GRM8: variants seen among roughly 807,000 people sequenced by gnomAD.
The protein encoded by GRM8 is glutamate metabotropic receptor 8.
Under a neutral mutation model 87.2 loss-of-function variants are expected in GRM8, and 47 were observed. The ratio of observed to expected loss-of-function variants is 0.54; its 90% CI spans 0.43 to 0.69. The LOEUF is 0.69. GRM8 is among the 30% of genes least tolerant of loss of function. The pLI is 0.00. For missense variants in GRM8, 1,019 were observed against 1,139.2 expected (o/e 0.89, Z 1.52); for synonymous variants, 396 against 404.5 (o/e 0.98, Z 0.25).
At chr7:126,681,684 G>C (rs534400542) in intron 7 of GRM8, among the ~76,000 whole-genome samples, 1 of 152,144 alleles carries the variant, frequency 6.6e-6, no homozygotes, top group Admixed American at 6.5e-5. Flanking sequence ...TCACACTGAG[G>C]TGTATTTACT....
At chr7:126,683,491 C>G (rs1392593186) in intron 7 of GRM8, among the ~76,000 whole-genome samples, 1 of 152,176 alleles carries the variant, frequency 6.6e-6, no homozygotes, top group African/African-American at 2.4e-5. Flanking sequence ...ACATAAAGTG[C>G]AAAAGTATTT....
chr7:126,601,121 C>G (rs1797709649), intron 8 of GRM8, among the ~76,000 whole-genome samples: 1 of 147,250 alleles, frequency 6.8e-6, no homozygotes, highest in African/African-American at 2.5e-5. Flanking sequence ...GTGATATTCC[C>G]CTTCCTGTGT....
chr7:126,615,333 T>C (rs1226451404), intron 7 of GRM8, among the ~76,000 whole-genome samples: 1 of 152,094 alleles, frequency 6.6e-6, no homozygotes, highest in Non-Finnish European at 1.5e-5. Context: ...CTGAGAGATT[T>C]TGTCACCACC....
intron 3 of GRM8, among the ~76,000 whole-genome samples, chr7:127,052,044 T>G (rs1328491672): frequency 2.0e-5 from 3 of 152,204 alleles, no homozygotes; most frequent in Non-Finnish European, 4.4e-5. Flanking sequence ...CATGGGTTTC[T>G]TATATGACTT....
chr7:126,502,601 A>T (rs1809811088), intron 9 of GRM8, among the ~76,000 whole-genome samples: 1 of 152,114 alleles, frequency 6.6e-6, no homozygotes. Flanking sequence ...AAAACTCTGC[A>T]GATACCTGGT....
intron 7 of GRM8, among the ~76,000 whole-genome samples, chr7:126,633,337 GAGA>G (rs1266426631): frequency 6.6e-6 from 1 of 152,122 alleles, no homozygotes; most frequent in African/African-American, 2.4e-5. Flanking sequence ...GACTTGAACT[GAGA>G]AGAACACTAA....
At chr7:126,838,136 A>G (rs2283076) in intron 6 of GRM8, among the ~76,000 whole-genome samples, 23,897 of 152,212 alleles carry the variant, frequency 0.16, 2,424 homozygotes, top group South Asian at 0.24. Flanking sequence ...TAAAATATGT[A>G]CTGCATGAAC....
intron 8 of GRM8, among the ~76,000 whole-genome samples, chr7:126,568,650 C>T (rs890416419): frequency 8.5e-5 from 13 of 152,076 alleles, no homozygotes. Context: ...AAAAGTACTA[C>T]AAAAATTTAT....
intron 7 of GRM8, among the ~76,000 whole-genome samples, chr7:126,697,165 TAAAA>T (rs35078727): frequency 1.6e-4 from 22 of 138,432 alleles, no homozygotes; most frequent in Admixed American, 2.1e-4. Context: ...TGTGTGGAAT[TAAAA>T]AAAAAAAAAA....
intron 2 of GRM8, among the ~76,000 whole-genome samples, chr7:127,192,951 C>T (rs531129183): frequency 6.6e-6 from 1 of 152,262 alleles, no homozygotes; most frequent in East Asian, 1.9e-4. Context: ...ATATTTTACT[C>T]ATCTTTTAAG....
chr7:126,694,252 T>C (rs141912145), intron 7 of GRM8, among the ~76,000 whole-genome samples: 136 of 152,216 alleles, frequency 8.9e-4, no homozygotes, highest in African/African-American at 3.1e-3. Context: ...TAAAACATAG[T>C]ACTTGCTTTT....
At chr7:126,991,008 A>C (rs1325765400) in intron 3 of GRM8, among the ~76,000 whole-genome samples, 1 of 152,236 alleles carries the variant, frequency 6.6e-6, no homozygotes, top group African/African-American at 2.4e-5. Context: ...AAAATGTATA[A>C]TGTAAATGTA....
chr7:126,967,167 TTG>T (rs3039774), intron 3 of GRM8, among the ~76,000 whole-genome samples: 115,656 of 151,714 alleles, frequency 0.76, 44,363 homozygotes, highest in East Asian at 0.97. Flanking sequence ...GTGTGTGTGT[TTG>T]TGTGTGTGTG....
intron 2 of GRM8, among the ~76,000 whole-genome samples, chr7:127,151,980 T>C (rs1383659662): frequency 6.6e-6 from 1 of 152,126 alleles, no homozygotes; most frequent in Non-Finnish European, 1.5e-5. Context: ...TAAAGTTACT[T>C]ACGATTTCTC....
intron 6 of GRM8, among the ~76,000 whole-genome samples, chr7:126,829,351 G>T (rs1795128143): frequency 7.4e-6 from 1 of 134,408 alleles, no homozygotes. Context: ...CTCTTTGTAG[G>T]TCACTCAGGA....
chr7:127,170,059 T>C (rs1236754589), intron 2 of GRM8, among the ~76,000 whole-genome samples: 2 of 152,230 alleles, frequency 1.3e-5, no homozygotes, highest in Non-Finnish European at 1.5e-5. Context: ...TTAAGAAATA[T>C]ATTTTGTAAG....
chr7:127,220,718 G>A (rs1372632312), intron 2 of GRM8, among the ~76,000 whole-genome samples: 2 of 152,112 alleles, frequency 1.3e-5, no homozygotes, highest in African/African-American at 4.8e-5. Context: ...CAAACTCCTG[G>A]GCTCAAGTAC....
chr7:126,464,953 A>G (rs1195644540), intron 9 of GRM8, among the ~76,000 whole-genome samples: 1 of 151,724 alleles, frequency 6.6e-6, no homozygotes, highest in Non-Finnish European at 1.5e-5. Context: ...GTATTATAAT[A>G]GTCTGTGTTT....
intron 6 of GRM8, among the ~76,000 whole-genome samples, chr7:126,776,388 T>A (rs533325362): frequency 2.0e-5 from 3 of 152,248 alleles, no homozygotes; most frequent in Admixed American, 2.0e-4. Flanking sequence ...TGCTAGGTAG[T>A]AGAAAATTGG....
Sources: gnomAD v4.1 joint callset for allele counts (sites outside exome capture counted in the v4.1 genomes callset) on GRCh38, gnomAD v4.1.1 for gene constraint, MANE v1.5 for transcripts, NCBI Gene and HGNC (gene_info 2026-07-23, HGNC 2026-07-21) for gene names.